GDA: variants seen among roughly 807,000 people sequenced by gnomAD.
GDA encodes the protein cytoplasmic PSD-95 interactor.
GDA carries 18 observed loss-of-function variants against 59.6 expected under a neutral mutation model. That is an observed-to-expected ratio of 0.30 (90% CI 0.21 to 0.45). The LOEUF (loss-of-function observed/expected upper bound fraction) is 0.45, where lower values mean the gene tolerates loss of function less well. Ranked by LOEUF, GDA falls within the 20% of genes least tolerant of loss-of-function variation. The pLI is 1.00. For synonymous variants in GDA, 201 were observed against 201.1 expected, an observed-to-expected ratio of 1.00 and a Z score of 0.00; for missense variants, 427 against 552.3, an observed-to-expected ratio of 0.77 and a Z score of 2.27.
intron 2 of GDA, among the ~76,000 whole-genome samples, chr9:72,196,872 T>C (rs183708324): frequency 1.4e-3 from 217 of 152,240 alleles, no homozygotes; most frequent in African/African-American, 4.9e-3. Flanking sequence ...GTTAGTTTGC[T>C]GAAAGTCATG....
intron 1 of GDA, among the ~76,000 whole-genome samples, chr9:72,143,437 T>G (rs1425663690): frequency 6.6e-6 from 1 of 152,040 alleles, no homozygotes; most frequent in Non-Finnish European, 1.5e-5. Flanking sequence ...CCCAAGAATA[T>G]TTGCTTTGAG....
intron 10 of GDA, among the ~76,000 whole-genome samples, chr9:72,233,479 A>G (rs1838594613): frequency 6.6e-6 from 1 of 152,216 alleles, no homozygotes; most frequent in South Asian, 2.1e-4. Flanking sequence ...AAATCAGATT[A>G]AAAAGCACAT....
At chr9:72,158,109 T>A (rs1401723033) in intron 1 of GDA, among the ~76,000 whole-genome samples, 2 of 152,226 alleles carry the variant, frequency 1.3e-5, no homozygotes, top group African/African-American at 4.8e-5. Flanking sequence ...ACAAAGGCTT[T>A]ATTCCCAAGT....
intron 1 of GDA, among the ~76,000 whole-genome samples, chr9:72,189,583 G>A (rs1477502545): frequency 6.6e-6 from 1 of 152,172 alleles, no homozygotes; most frequent in South Asian, 2.1e-4. Flanking sequence ...GCTCATGCCT[G>A]TAATTCTAGC....
intron 3 of GDA, among the ~76,000 whole-genome samples, chr9:72,208,349 G>C (rs1039644040): frequency 6.6e-6 from 1 of 152,168 alleles, no homozygotes; most frequent in Non-Finnish European, 1.5e-5. Flanking sequence ...GTAAGCAAGA[G>C]CCACTGTCTG....
chr9:72,163,892 C>T (rs1828965752), intron 1 of GDA, among the ~76,000 whole-genome samples: 1 of 152,194 alleles, frequency 6.6e-6, no homozygotes, highest in South Asian at 2.1e-4. Context: ...TTTCAGCAGC[C>T]AGGCTTGCAT....
intron 1 of GDA, among the ~76,000 whole-genome samples, chr9:72,121,181 T>C (rs912172872): frequency 3.3e-5 from 5 of 152,228 alleles, no homozygotes; most frequent in Non-Finnish European, 5.9e-5. Flanking sequence ...TTTTTACGGT[T>C]GATGTTGTTT....
intron 1 of GDA, among the ~76,000 whole-genome samples, chr9:72,157,154 C>T (rs1176814386): frequency 5.3e-5 from 8 of 151,382 alleles, no homozygotes; most frequent in East Asian, 1.9e-4. Context: ...ATTCTCCTGC[C>T]TCAGCCTCCC....
intron 1 of GDA, among the ~76,000 whole-genome samples, chr9:72,192,016 C>G: frequency 6.6e-6 from 1 of 152,012 alleles, no homozygotes. Context: ...CCTTCTTGTA[C>G]TTGGATATTG....
chr9:72,134,475 C>T lies in GDA; in HGVS notation c.-100+19642C>T, dbSNP rs140046802. The stretch of plus-strand genomic sequence containing the variant: ...GGAGTGCAGTGGTGTGATCTCGGCT[C>T]ACTGCAACCTCTGCCTCCTGGGTTC... On this transcript the variant is annotated intron_variant, in intron 1 of 13. Transcript: ENST00000545168. 6.6e-3 allele frequency among the ~76,000 whole-genome samples: 986 copies of T among 149,740 alleles called. 12 individuals carry two copies. Among genetic ancestry groups the T allele is most frequent in the South Asian group, 0.012 (57 of 4,702 alleles).
chr9:72,124,860 G>A (rs1322054929), intron 1 of GDA, among the ~76,000 whole-genome samples: 10 of 151,940 alleles, frequency 6.6e-5, no homozygotes, highest in South Asian at 2.1e-4. Flanking sequence ...CACCCGCCTC[G>A]GCCTCCCAAA....
intron 1 of GDA, among the ~76,000 whole-genome samples, chr9:72,121,572 G>C (rs1440920444): frequency 6.6e-6 from 1 of 152,200 alleles, no homozygotes; most frequent in African/African-American, 2.4e-5. Flanking sequence ...ACTCCAGCCT[G>C]GGTGACAAGA....
downstream of GDA, among the ~76,000 whole-genome samples, chr9:72,259,303 G>A (rs925704907): frequency 6.6e-5 from 10 of 152,118 alleles, no homozygotes; most frequent in East Asian, 1.9e-4. Context: ...GATTACAGGC[G>A]TGAGCCACCG....
chr9:72,128,140 A>G (rs1825908574), intron 1 of GDA, among the ~76,000 whole-genome samples: 2 of 152,200 alleles, frequency 1.3e-5, no homozygotes, highest in South Asian at 4.1e-4. Flanking sequence ...TCATATCAGG[A>G]TGAGATTAAT....
intron 1 of GDA, among the ~76,000 whole-genome samples, chr9:72,179,742 G>A (rs1469709437): frequency 6.6e-6 from 1 of 152,200 alleles, no homozygotes; most frequent in Non-Finnish European, 1.5e-5. Flanking sequence ...AATCAGCAGA[G>A]TTGGTTTCTT....
At chr9:72,131,149 G>C (rs1214896567) in intron 1 of GDA, among the ~76,000 whole-genome samples, 2 of 152,204 alleles carry the variant, frequency 1.3e-5, no homozygotes, top group Non-Finnish European at 2.9e-5. Context: ...GGGAAGGCCA[G>C]AGGGCCTCCC....
intron 1 of GDA, among the ~76,000 whole-genome samples, chr9:72,158,271 A>G (rs1828172850): frequency 6.6e-6 from 1 of 152,178 alleles, no homozygotes. Flanking sequence ...ATTTTCTGAC[A>G]TAGCTGAACC....
intron 8 of GDA, among the ~76,000 whole-genome samples, chr9:72,226,711 C>T (rs1027162065): frequency 6.6e-6 from 1 of 152,186 alleles, no homozygotes; most frequent in Non-Finnish European, 1.5e-5. Flanking sequence ...GTAAAAGCTA[C>T]ACCATAGTTT....
At chr9:72,230,310 T>C (rs1838170184) in intron 9 of GDA, among the ~76,000 whole-genome samples, 1 of 151,942 alleles carries the variant, frequency 6.6e-6, no homozygotes, top group African/African-American at 2.4e-5. Context: ...CTGACCAACA[T>C]GGCGAAACCC....
Sources: gnomAD v4.1 joint callset for allele counts (sites outside exome capture counted in the v4.1 genomes callset) on GRCh38, gnomAD v4.1.1 for gene constraint, MANE v1.5 for transcripts, NCBI Gene and HGNC (gene_info 2026-07-23, HGNC 2026-07-21) for gene names.